The following LINGO2 variants were observed in gnomAD, a reference collection of about 807,000 sequenced individuals.
The protein encoded by LINGO2 is leucine rich repeat and Ig domain containing 2, also known as leucine-rich repeat and immunoglobulin-like domain-containing nogo receptor-interacting protein 2.
A neutral mutation model predicts 30.6 loss-of-function variants in LINGO2; 14 were observed. That is an observed-to-expected ratio of 0.46 (90% confidence interval 0.30 to 0.72). LINGO2 has a LOEUF of 0.72. LINGO2 is among the 30% of genes least tolerant of loss of function. The pLI is 0.07. For missense variants in LINGO2, 729 were observed against 751.7 expected (o/e 0.97, Z 0.35); for synonymous variants, 317 against 288.5 (o/e 1.10, Z -1.00).
the LINGO2 span, among the ~76,000 whole-genome samples, chr9:29,118,508 C>T: frequency 1.3e-5 from 2 of 152,152 alleles, no homozygotes; most frequent in South Asian, 2.1e-4. Flanking sequence ...GTCAAAACTG[C>T]CTTTGTAGAA....
At chr9:28,145,578 C>G (rs1827790096) in intron 4 of LINGO2, among the ~76,000 whole-genome samples, 2 of 152,058 alleles carry the variant, frequency 1.3e-5, no homozygotes, top group Non-Finnish European at 2.9e-5. Context: ...TTTGTGAACA[C>G]TTGGAAAACA....
intron 3 of LINGO2, among the ~76,000 whole-genome samples, chr9:28,305,523 A>C (rs1953003): frequency 0.098 from 14,933 of 152,102 alleles, 821 homozygotes; most frequent in East Asian, 0.22. Context: ...AAGGCTACAG[A>C]ATAGAAAAAT....
At chr9:28,592,128 C>G (rs1223410317) in intron 1 of LINGO2, among the ~76,000 whole-genome samples, 1 of 151,968 alleles carries the variant, frequency 6.6e-6, no homozygotes, top group Non-Finnish European at 1.5e-5. Context: ...TGTTGTGGAA[C>G]AAAATCATGC....
chr9:28,873,247 G>A, the LINGO2 span, among the ~76,000 whole-genome samples: 2 of 151,736 alleles, frequency 1.3e-5, no homozygotes, highest in Non-Finnish European at 1.5e-5. Context: ...GCGGGCACCT[G>A]TAATCTCATC....
chr9:28,777,518 T>C, the LINGO2 span, among the ~76,000 whole-genome samples: 6 of 152,202 alleles, frequency 3.9e-5, no homozygotes, highest in African/African-American at 7.2e-5. Context: ...AACAAAGTTT[T>C]CTGTAGCTCA....
chr9:28,615,782 T>C (rs1174669080), intron 1 of LINGO2, among the ~76,000 whole-genome samples: 1 of 152,160 alleles, frequency 6.6e-6, no homozygotes, highest in Non-Finnish European at 1.5e-5. Context: ...TTTGGGGGCA[T>C]ATAAATTTTT....
intron 4 of LINGO2, among the ~76,000 whole-genome samples, chr9:28,127,364 G>C (rs1178798993): frequency 6.6e-6 from 1 of 152,202 alleles, no homozygotes; most frequent in Non-Finnish European, 1.5e-5. Flanking sequence ...GGCCCTGGAG[G>C]ATGAGAGACT....
At chr9:28,713,712 C>G in the LINGO2 span, among the ~76,000 whole-genome samples, 1 of 152,160 alleles carries the variant, frequency 6.6e-6, no homozygotes, top group African/African-American at 2.4e-5. Flanking sequence ...GAGAACATCT[C>G]TCTTGGAAGA....
chr9:28,846,845 T>C, the LINGO2 span, among the ~76,000 whole-genome samples: 20 of 147,578 alleles, frequency 1.4e-4, 2 homozygotes, highest in African/African-American at 5.1e-4. Context: ...AAAAGCAAGA[T>C]GGTTTCCCAC....
At chr9:28,833,302 A>G in the LINGO2 span, among the ~76,000 whole-genome samples, 1 of 152,192 alleles carries the variant, frequency 6.6e-6, no homozygotes, top group South Asian at 2.1e-4. Flanking sequence ...TGATTCTCCA[A>G]GTTCTCTATA....
At chr9:28,117,308 C>G (rs1365605876) in intron 4 of LINGO2, among the ~76,000 whole-genome samples, 1 of 148,118 alleles carries the variant, frequency 6.8e-6, no homozygotes, top group Non-Finnish European at 1.5e-5. Flanking sequence ...CCACTGCTCT[C>G]TTCAAAGCTG....
chr9:27,984,098 GA>G (rs1444579657), intron 5 of LINGO2, among the ~76,000 whole-genome samples: 1 of 151,858 alleles, frequency 6.6e-6, no homozygotes, highest in East Asian at 1.9e-4. Flanking sequence ...AGAACAAACA[GA>G]AAAACAAGAT....
intron 5 of LINGO2, among the ~76,000 whole-genome samples, chr9:27,977,404 T>C (rs1820650066): frequency 6.6e-6 from 1 of 151,682 alleles, no homozygotes; most frequent in Admixed American, 6.6e-5. Context: ...AGAGTGTGTG[T>C]CGGGGGCGGG....
At chr9:28,102,254 T>G (rs1826440238) in intron 4 of LINGO2, among the ~76,000 whole-genome samples, 1 of 151,968 alleles carries the variant, frequency 6.6e-6, no homozygotes, top group South Asian at 2.1e-4. Context: ...GTATATACGC[T>G]TGAATGAGAG....
At chr9:28,082,227 A>G (rs1253081823) in intron 4 of LINGO2, among the ~76,000 whole-genome samples, 2 of 152,196 alleles carry the variant, frequency 1.3e-5, no homozygotes, top group African/African-American at 4.8e-5. Context: ...AAGACACATG[A>G]AATTTTAGGC....
intron 1 of LINGO2, among the ~76,000 whole-genome samples, chr9:28,638,205 G>A (rs538523862): frequency 1.3e-5 from 2 of 152,258 alleles, no homozygotes; most frequent in South Asian, 4.1e-4. Context: ...TTGATGTGCT[G>A]CTGGATTCTT....
the LINGO2 span, among the ~76,000 whole-genome samples, chr9:28,997,545 C>A: frequency 3.3e-5 from 5 of 152,056 alleles, no homozygotes; most frequent in Non-Finnish European, 5.9e-5. Flanking sequence ...AATAGTTGGC[C>A]GGGTGCAGTG....
At chr9:28,775,033 C>G in the LINGO2 span, among the ~76,000 whole-genome samples, 1 of 152,010 alleles carries the variant, frequency 6.6e-6, no homozygotes, top group African/African-American at 2.4e-5. Context: ...ACAGAGTCAA[C>G]TGGAAGAAGG....
intron 1 of LINGO2, among the ~76,000 whole-genome samples, chr9:28,582,313 C>T (rs953457391): frequency 5.9e-5 from 9 of 152,044 alleles, no homozygotes; most frequent in Admixed American, 2.0e-4. Context: ...ATTGTTTGAC[C>T]AAAGACTCAA....
Sources: allele counts gnomAD v4.1 joint callset (sites outside exome capture counted in the v4.1 genomes callset), GRCh38; gene constraint gnomAD v4.1.1; transcripts MANE v1.5; gene names NCBI Gene and HGNC (gene_info 2026-07-23, HGNC 2026-07-21).